Variants in ASZ1 observed in about 807,000 individuals in gnomAD.
ASZ1 encodes the protein ankyrin repeat, SAM and basic leucine zipper domain containing 1.
In ASZ1, 67 loss-of-function variants were observed where a neutral mutation model predicts 61.8. The ratio of observed to expected loss-of-function variants is 1.08; its 90% CI spans 0.89 to 1.33. ASZ1 has a LOEUF of 1.33. ASZ1 is among the 40% of genes most tolerant of loss of function. The pLI, the probability that ASZ1 is intolerant of heterozygous loss-of-function variation, is 0.00. For missense variants in ASZ1, 577 were observed against 554.5 expected (o/e 1.04, Z -0.41); for synonymous variants, 193 against 192.7 (o/e 1.00, Z -0.01).
intron 10 of ASZ1, among the ~76,000 whole-genome samples, chr7:117,377,581 T>C (rs969092560): frequency 6.6e-6 from 1 of 152,178 alleles, no homozygotes; most frequent in African/African-American, 2.4e-5. Context: ...TATCTGTGTT[T>C]ATGAATTAGT....
At chr7:117,375,248 C>T (rs1057154684) in intron 10 of ASZ1, among the ~76,000 whole-genome samples, 17 of 152,010 alleles carry the variant, frequency 1.1e-4, no homozygotes, top group East Asian at 3.9e-4. Flanking sequence ...TTCTATGCTA[C>T]GGTTAAATTC....
At chr7:117,382,536 C>T (rs990632634) in intron 7 of ASZ1, among the ~76,000 whole-genome samples, 1 of 151,866 alleles carries the variant, frequency 6.6e-6, no homozygotes, top group Non-Finnish European at 1.5e-5. Context: ...AAAAACCACA[C>T]CTCTTTAATT....
chr7:117,372,971 G>C (rs748750465), intron 10 of ASZ1, among the ~76,000 whole-genome samples: 5 of 152,128 alleles, frequency 3.3e-5, no homozygotes, highest in East Asian at 1.9e-4. Context: ...TCAGTATTTA[G>C]AGTTTCCAAT....
At chr7:117,399,889 G>T (rs954655864) in intron 4 of ASZ1, among the ~76,000 whole-genome samples, 1 of 151,906 alleles carries the variant, frequency 6.6e-6, no homozygotes, top group Non-Finnish European at 1.5e-5. Context: ...AATAAAAGTT[G>T]GTTAAAAAGA....
At chr7:117,394,217 ACCT>A (rs1796533988) in intron 4 of ASZ1, among the ~76,000 whole-genome samples, 1 of 151,556 alleles carries the variant, frequency 6.6e-6, no homozygotes. Flanking sequence ...CCATCCTTCC[ACCT>A]CAGCCTCCCG....
chr7:117,371,805 T>C (rs986455754), intron 10 of ASZ1, among the ~76,000 whole-genome samples: 1 of 152,174 alleles, frequency 6.6e-6, no homozygotes, highest in Non-Finnish European at 1.5e-5. Flanking sequence ...CATTGAGAAT[T>C]ATCATTGGAA....
intron 4 of ASZ1, among the ~76,000 whole-genome samples, chr7:117,394,449 A>AT (rs1796538132): frequency 6.6e-6 from 1 of 151,984 alleles, no homozygotes; most frequent in African/African-American, 2.4e-5. Context: ...AACTTTTAGG[A>AT]TTTTTGCCTT....
At chr7:117,419,800 G>T (rs1246189657) in intron 4 of ASZ1, among the ~76,000 whole-genome samples, 1 of 152,118 alleles carries the variant, frequency 6.6e-6, no homozygotes, top group Non-Finnish European at 1.5e-5. Flanking sequence ...TAGTATTTTT[G>T]TAAAATTGTT....
intron 4 of ASZ1, among the ~76,000 whole-genome samples, chr7:117,403,867 C>T (rs1584735580): frequency 6.6e-6 from 1 of 152,260 alleles, no homozygotes; most frequent in East Asian, 1.9e-4. Context: ...GCTCCACTTC[C>T]CATCAGATCA....
At position 117,368,720 on chromosome 7, in the gene ASZ1, A is replaced by G. The variant is rs749458053; in HGVS notation, c.1056-3T>C. 1.1e-5 allele frequency: 17 copies of G among 1,610,388 alleles called. No individual in the cohort carries two copies. The South Asian group carries it at 1.8e-4, about 17-fold the overall frequency. On this transcript the variant is annotated splice_region_variant and splice_polypyrimidine_tract_variant and intron_variant, in intron 10 of 12. Coordinates refer to ENST00000284629, the MANE Select transcript of ASZ1 (RefSeq NM_130768.3). ...GAAAGTTGAGGAACTCATCACCACT[A>G]AAGAAAGGAAACAAACAAACAAGCA... is the stretch of plus-strand genomic sequence containing the variant.
chr7:117,395,424 C>T (rs538554603), intron 4 of ASZ1, among the ~76,000 whole-genome samples: 51 of 152,106 alleles, frequency 3.4e-4, no homozygotes, highest in Admixed American at 2.0e-3. Flanking sequence ...ACTCTGAATA[C>T]GATGTTTAAT....
At chr7:117,364,492 A>C (rs1374822288) in intron 12 of ASZ1, among the ~76,000 whole-genome samples, 1 of 151,838 alleles carries the variant, frequency 6.6e-6, no homozygotes, top group Non-Finnish European at 1.5e-5. Flanking sequence ...GAGGGCTGAG[A>C]GGAGAGGGAT....
rs181148165 is a variant in ASZ1 at position 117,424,353 on chromosome 7, T to A, written c.206-1994A>T. ...AAAGGCAAAAAATTAACAATATTTT[T>A]AAAAAGAGTTACATAATGACATCTG... On this transcript the variant is annotated intron_variant, in intron 2 of 12. Coordinates refer to ENST00000284629, the MANE Select transcript of ASZ1 (RefSeq NM_130768.3). Among the ~76,000 whole-genome samples, 18 of 152,278 alleles carry A rather than the reference T, an allele frequency of 1.2e-4. No homozygotes were observed. The East Asian group carries it at 3.5e-3, about 29-fold the overall frequency.
chr7:117,368,455 A>T, intron 11 of ASZ1, 157 bp downstream of exon 11: 1 of 1,376,016 alleles, frequency 7.3e-7, no homozygotes, highest in South Asian at 1.8e-5. Flanking sequence ...TAAAGGAGTA[A>T]TATTAAACAA....
At chr7:117,372,222 C>A (rs1258460409) in intron 10 of ASZ1, among the ~76,000 whole-genome samples, 1 of 152,188 alleles carries the variant, frequency 6.6e-6, no homozygotes, top group Non-Finnish European at 1.5e-5. Flanking sequence ...ATTCTCATGT[C>A]TTTTCTACAG....
At chr7:117,387,261 T>C (rs1584726598) in intron 4 of ASZ1, among the ~76,000 whole-genome samples, 1 of 151,740 alleles carries the variant, frequency 6.6e-6, no homozygotes, top group Non-Finnish European at 1.5e-5. Flanking sequence ...TGAGCCGAGA[T>C]TGTGCCACTG....
chr7:117,408,800 G>A (rs1769244864), intron 4 of ASZ1, among the ~76,000 whole-genome samples: 1 of 151,900 alleles, frequency 6.6e-6, no homozygotes, highest in South Asian at 2.1e-4. Flanking sequence ...ATGCAGGGTA[G>A]GAAAAAAAAA....
At chr7:117,375,005 A>C (rs556301671) in intron 10 of ASZ1, among the ~76,000 whole-genome samples, 1 of 152,222 alleles carries the variant, frequency 6.6e-6, no homozygotes, top group Admixed American at 6.5e-5. Context: ...GGTGGGGAAA[A>C]ACATTTGATG....
At position 117,385,930 on chromosome 7, in the gene ASZ1, T is replaced by G. The variant is rs1796347134; in HGVS notation, c.441-121A>C. 3 of 773,974 alleles carry G rather than the reference T, an allele frequency of 3.9e-6. No homozygotes were observed. The Admixed American group carries it at 9.7e-5, about 25-fold the overall frequency. 47.9% of individuals were successfully genotyped at this position (773,974 alleles called of 1,614,324 possible). ...TTGAAAACGAAAAGAAATGAAAGCT[T>G]TTGCTAAATCAGGTGATTTAAAAAT... On this transcript the variant is annotated intron_variant, in intron 4 of 12. Transcript: ENST00000284629.
Sources: allele counts gnomAD v4.1 joint callset (sites outside exome capture counted in the v4.1 genomes callset), GRCh38; gene constraint gnomAD v4.1.1; transcripts MANE v1.5; gene names NCBI Gene and HGNC (gene_info 2026-07-23, HGNC 2026-07-21).